Variants in ZFHX3 observed in about 807,000 individuals in gnomAD.
ZFHX3 encodes the protein zinc finger homeobox protein 3.
Under a neutral mutation model 279.1 loss-of-function variants are expected in ZFHX3, and 42 were observed. The observed-to-expected ratio is 0.15, with a 90% CI of 0.12 to 0.19. The LOEUF (loss-of-function observed/expected upper bound fraction) is 0.19, where lower values mean the gene tolerates loss of function less well. Among genes scored for constraint, ZFHX3 ranks in the 10% least tolerant of loss-of-function variants. The probability of loss-of-function intolerance (pLI) is 1.00; values close to 1 mark genes in which losing one functional copy is unlikely to be tolerated. For missense variants in ZFHX3, 4,981 were observed against 4,754.0 expected (o/e 1.05, Z -1.40); for synonymous variants, 2,293 against 1,957.8 (o/e 1.17, Z -4.52).
intron 1 of ZFHX3, among the ~76,000 whole-genome samples, chr16:73,682,537 G>A (rs923658042): frequency 3.9e-5 from 6 of 152,054 alleles, no homozygotes; most frequent in South Asian, 4.1e-4. Context: ...TGTAATCCCA[G>A]CAGTTTCGGA....
At chr16:73,746,764 G>A (rs897822333) in intron 1 of ZFHX3, among the ~76,000 whole-genome samples, 3 of 152,204 alleles carry the variant, frequency 2.0e-5, no homozygotes, top group Admixed American at 2.0e-4. Context: ...GATAACAAAT[G>A]CCCTGAAATT....
At chr16:73,187,430 C>T (rs1039103567) in intron 5 of ZFHX3, among the ~76,000 whole-genome samples, 7 of 151,842 alleles carry the variant, frequency 4.6e-5, no homozygotes, top group Non-Finnish European at 1.0e-4. Flanking sequence ...AATCCCTGAC[C>T]CCCCTGCCCT....
chr16:73,885,936 C>G (rs1247595711), intron 1 of ZFHX3, among the ~76,000 whole-genome samples: 2 of 152,158 alleles, frequency 1.3e-5, no homozygotes, highest in Non-Finnish European at 2.9e-5. Flanking sequence ...AGTTTATAAA[C>G]AAACTTTCCC....
intron 5 of ZFHX3, among the ~76,000 whole-genome samples, chr16:73,173,818 G>A (rs1204893785): frequency 6.6e-6 from 1 of 152,154 alleles, no homozygotes; most frequent in African/African-American, 2.4e-5. Flanking sequence ...AAGTGGGGGC[G>A]CAGGGCAGTT....
chr16:73,518,883 T>C (rs572157120), intron 2 of ZFHX3, among the ~76,000 whole-genome samples: 15 of 152,258 alleles, frequency 9.9e-5, no homozygotes, highest in Admixed American at 3.3e-4. Context: ...ACAGTGGCTA[T>C]TATGCCATGG....
At chr16:72,964,481 G>T (rs1251149862) in intron 1 of ZFHX3, among the ~76,000 whole-genome samples, 1 of 152,044 alleles carries the variant, frequency 6.6e-6, no homozygotes, top group East Asian at 1.9e-4. Flanking sequence ...TTACAACTGT[G>T]AATTCTAGGG....
intron 3 of ZFHX3, among the ~76,000 whole-genome samples, chr16:73,342,468 G>C (rs895010540): frequency 6.6e-6 from 1 of 152,174 alleles, no homozygotes; most frequent in Non-Finnish European, 1.5e-5. Flanking sequence ...GGTGCAATCA[G>C]ACAGTGCGGT....
intron 1 of ZFHX3, among the ~76,000 whole-genome samples, chr16:73,782,028 G>C (rs1959489588): frequency 6.6e-6 from 1 of 152,106 alleles, no homozygotes; most frequent in African/African-American, 2.4e-5. Flanking sequence ...GGCTACCCTG[G>C]AAGTTGAGAA....
rs374576288 is a variant in ZFHX3, at chr16:73,316,371, C to T, written c.-1194+1869G>A. 3.2e-3 allele frequency among the ~76,000 whole-genome samples: 485 copies of T among 152,222 alleles called. 5 individuals carry two copies. Among genetic ancestry groups the T allele is most frequent in the South Asian group, 8.1e-3 (39 of 4,814 alleles). On this transcript the variant is annotated intron_variant, in intron 4 of 17. Transcript: ENST00000641206. The stretch of plus-strand genomic sequence containing the variant: ...TGCAGTGGCAGCCCCTCCAGACCTG[C>T]CCCTTTATGTCCACCCCACCCTCAC...
At chr16:73,437,522 G>A (rs1460725201) in intron 3 of ZFHX3, among the ~76,000 whole-genome samples, 1 of 151,912 alleles carries the variant, frequency 6.6e-6, no homozygotes, top group East Asian at 1.9e-4. Context: ...ATATTCCTAA[G>A]ACACATTAAA....
intron 7 of ZFHX3, among the ~76,000 whole-genome samples, chr16:72,805,051 C>T (rs1007478038): frequency 3.3e-5 from 5 of 152,162 alleles, no homozygotes; most frequent in Admixed American, 2.6e-4. Context: ...AATCTCGGCT[C>T]ACTGCAACCT....
chr16:73,014,518 C>CTTCTTTTTTT (rs1964028587), intron 1 of ZFHX3: 11 of 63,366 alleles, frequency 1.7e-4, no homozygotes, highest in African/African-American at 6.3e-4. Flanking sequence ...ATTTCTTCTT[C>CTTCTTTTTTT]TTTTTTTTTT....
chr16:73,146,808 C>A (rs12446022), intron 5 of ZFHX3, among the ~76,000 whole-genome samples: 2 of 151,978 alleles, frequency 1.3e-5, no homozygotes, highest in Non-Finnish European at 2.9e-5. Context: ...GGCGCCACCA[C>A]CAAGCCCAGC....
At chr16:73,650,828 G>C (rs1371529388) in intron 2 of ZFHX3, among the ~76,000 whole-genome samples, 1 of 152,110 alleles carries the variant, frequency 6.6e-6, no homozygotes, top group Non-Finnish European at 1.5e-5. Flanking sequence ...AAAACCCACA[G>C]ATAGTGATTT....
chr16:73,266,515 A>T (rs899428120), intron 4 of ZFHX3, among the ~76,000 whole-genome samples: 2 of 152,170 alleles, frequency 1.3e-5, no homozygotes, highest in African/African-American at 4.8e-5. Context: ...ACTGTGAAGG[A>T]GTAATATTCA....
At chr16:73,614,034 T>A (rs949309457) in intron 2 of ZFHX3, among the ~76,000 whole-genome samples, 3 of 152,244 alleles carry the variant, frequency 2.0e-5, no homozygotes, top group Non-Finnish European at 4.4e-5. Context: ...CTCCATCTTC[T>A]GCTGCCTGAA....
In ZFHX3 at chr16:73,604,543, A is replaced by G. The variant is rs145050160; in HGVS notation, c.-1547+75637T>C. On this transcript the variant is annotated intron_variant, in intron 2 of 17. Transcript: ENST00000641206. ...GGCAGATCATGAGGTCAGGAGTTCA[A>G]TACCAGCCTGGCCAAGATGGTGAAA... 6.4e-4 allele frequency among the ~76,000 whole-genome samples: 98 copies of G among 152,218 alleles called. 1 individual carries two copies. Among genetic ancestry groups the G allele is most frequent in the African/African-American group, 2.3e-3 (94 of 41,540 alleles).
intron 5 of ZFHX3, among the ~76,000 whole-genome samples, chr16:73,224,503 C>T (rs1481259117): frequency 6.6e-6 from 1 of 152,070 alleles, no homozygotes; most frequent in Non-Finnish European, 1.5e-5. Context: ...CTCATCTGAC[C>T]AAGACAAGTC....
At chr16:72,874,042 G>A (rs956396004) in intron 4 of ZFHX3, among the ~76,000 whole-genome samples, 5 of 152,054 alleles carry the variant, frequency 3.3e-5, no homozygotes, top group African/African-American at 1.2e-4. Flanking sequence ...TTGTGCCCGA[G>A]GACAGTCATA....
Sources: allele counts gnomAD v4.1 joint callset (sites outside exome capture counted in the v4.1 genomes callset), GRCh38; gene constraint gnomAD v4.1.1; transcripts MANE v1.5; gene names NCBI Gene and HGNC (gene_info 2026-07-23, HGNC 2026-07-21).